The following LRP1B variants were observed in gnomAD, a reference collection of about 807,000 sequenced individuals.
LRP1B encodes LDL receptor related protein 1B.
A neutral mutation model predicts 556.6 loss-of-function variants in LRP1B; 217 were observed. The observed-to-expected ratio is 0.39, with a 90% CI of 0.35 to 0.44. The LOEUF (loss-of-function observed/expected upper bound fraction) is 0.44, where lower values mean the gene tolerates loss of function less well. Among genes scored for constraint, LRP1B ranks in the 20% least tolerant of loss-of-function variants. LRP1B has a pLI of 1.00. For missense variants in LRP1B, 5,053 were observed against 5,620.8 expected, an observed-to-expected ratio of 0.90 and a Z score of 3.23; for synonymous variants, 2,047 against 1,865.8, an observed-to-expected ratio of 1.10 and a Z score of -2.50.
At chr2:140,880,109 T>C (rs572623990) in intron 25 of LRP1B, among the ~76,000 whole-genome samples, 3 of 152,154 alleles carry the variant, frequency 2.0e-5, no homozygotes, top group Non-Finnish European at 2.9e-5. Flanking sequence ...ACCAACGAAA[T>C]TTTTATGGCA....
rs869062999 is a variant in LRP1B, at chr2:141,832,327, T to TCACACA, written c.83-21932_83-21927dup. ...AATAATTATCCTATCTCTTTCTCTC[T>TCACACA]CACACACACACACACACACACACAC... On this transcript the variant is annotated intron_variant, in intron 1 of 90. Coordinates refer to ENST00000389484, the MANE Select transcript of LRP1B (RefSeq NM_018557.3). Among the ~76,000 whole-genome samples the TCACACA allele has an allele frequency of 3.6e-3, 525 of 143,926 alleles. 9 individuals are homozygous for TCACACA. The highest frequency in any genetic ancestry group is 4.9e-3 in the South Asian group (22 of 4,466). 94.4% of individuals were successfully genotyped at this position (143,926 alleles called of 152,430 possible).
intron 1 of LRP1B, among the ~76,000 whole-genome samples, chr2:141,950,131 C>CTT (rs1701067637): frequency 1.3e-5 from 2 of 152,086 alleles, no homozygotes; most frequent in African/African-American, 4.8e-5. Flanking sequence ...TTATAAAAGA[C>CTT]TTTATAATAT....
intron 2 of LRP1B, among the ~76,000 whole-genome samples, chr2:141,487,713 G>A (rs1683173167): frequency 6.6e-6 from 1 of 151,994 alleles, no homozygotes; most frequent in South Asian, 2.1e-4. Flanking sequence ...CCATCATCTA[G>A]ACAGGAAACC....
At chr2:141,132,765 A>T (rs1395097600) in intron 7 of LRP1B, among the ~76,000 whole-genome samples, 1 of 152,016 alleles carries the variant, frequency 6.6e-6, no homozygotes, top group Non-Finnish European at 1.5e-5. Flanking sequence ...TTGGACATGG[A>T]CATGCTGTGT....
At chr2:142,115,517 C>CATATATT (rs1707168205) in intron 1 of LRP1B, among the ~76,000 whole-genome samples, 2 of 63,070 alleles carry the variant, frequency 3.2e-5, no homozygotes, top group East Asian at 4.1e-4. Context: ...TTATATATTA[C>CATATATT]ATATATAATA....
At chr2:141,967,379 T>C (rs1280796671) in intron 1 of LRP1B, among the ~76,000 whole-genome samples, 2 of 151,842 alleles carry the variant, frequency 1.3e-5, no homozygotes, top group African/African-American at 2.4e-5. Flanking sequence ...AATAAAAATA[T>C]CACTGGTAAT....
At chr2:141,154,212 C>T (rs1574132634) in intron 7 of LRP1B, among the ~76,000 whole-genome samples, 1 of 151,864 alleles carries the variant, frequency 6.6e-6, no homozygotes, top group Non-Finnish European at 1.5e-5. Flanking sequence ...CTGTTACTGA[C>T]ACACCCTAGA....
chr2:141,223,258 C>G (rs1163068572), intron 6 of LRP1B, among the ~76,000 whole-genome samples: 1 of 152,012 alleles, frequency 6.6e-6, no homozygotes, highest in Non-Finnish European at 1.5e-5. Context: ...AAGCAGAGAG[C>G]CAAGTCATGA....
At chr2:140,597,335 G>T (rs532764313) in intron 43 of LRP1B, among the ~76,000 whole-genome samples, 1 of 152,114 alleles carries the variant, frequency 6.6e-6, no homozygotes, top group South Asian at 2.1e-4. Flanking sequence ...CCATACATAA[G>T]AATAAATGGG....
At chr2:140,923,181 G>C in intron 20 of LRP1B, 34 bp from the exon 21 acceptor site, 1 of 1,520,588 alleles carries the variant, frequency 6.6e-7, no homozygotes, top group Non-Finnish European at 9.0e-7. Flanking sequence ...GAAGCAGAGG[G>C]GGGCAAGACA....
intron 33 of LRP1B, among the ~76,000 whole-genome samples, chr2:140,775,729 AT>A (rs1689472114): frequency 6.6e-6 from 1 of 152,144 alleles, no homozygotes; most frequent in Non-Finnish European, 1.5e-5. Context: ...TGGATATGGA[AT>A]TCTTTTGTTG....
In LRP1B at chr2:140,777,925, TA is replaced by T. The variant is rs1263086190; in HGVS notation, c.5360-1688del. ...ACCTCAGAAAATGGTAGGAAAAAAG[TA>T]AAAAAAAGATTAGTAGAATATTTGT... On this transcript the variant is annotated intron_variant, in intron 32 of 90. Coordinates refer to ENST00000389484, the MANE Select transcript of LRP1B (RefSeq NM_018557.3). 4.7e-5 allele frequency among the ~76,000 whole-genome samples: 7 copies of T among 149,274 alleles called. No individual in the cohort carries two copies. In the South Asian group the frequency reaches 6.4e-4, roughly 14 times the overall value.
At chr2:141,726,343 C>T (rs1462894140) in intron 2 of LRP1B, among the ~76,000 whole-genome samples, 1 of 151,320 alleles carries the variant, frequency 6.6e-6, no homozygotes, top group Admixed American at 6.6e-5. Flanking sequence ...TTTGATTTTC[C>T]AAATTATAAT....
chr2:140,673,501 TCTTTA>T (rs1364116344), intron 41 of LRP1B, among the ~76,000 whole-genome samples: 1 of 152,172 alleles, frequency 6.6e-6, no homozygotes, highest in Non-Finnish European at 1.5e-5. Flanking sequence ...TCCACCATGC[TCTTTA>T]CTTCTGAGTC....
chr2:140,923,289 T>C (rs1186811006), intron 20 of LRP1B, 142 bp from the exon 21 acceptor site: 2 of 596,198 alleles, frequency 3.4e-6, no homozygotes, highest in Non-Finnish European at 5.8e-6. Flanking sequence ...CATTTTTACT[T>C]TAGATGGTTA....
rs190398816 is a variant in LRP1B at position 140,499,743 on chromosome 2, C to A, written c.8850+1944G>T. ...AAGGTACAGTAAAAATATTTAGAAA[C>A]GTTTAAAAAATATTTAAAAATGTTT... is the stretch of plus-strand genomic sequence containing the variant. On this transcript the variant is annotated intron_variant, in intron 55 of 90. Coordinates refer to ENST00000389484, the MANE Select transcript of LRP1B (RefSeq NM_018557.3). Among the ~76,000 whole-genome samples, 692 of 143,262 alleles carry A rather than the reference C, an allele frequency of 4.8e-3. 6 individuals carry two copies. Among genetic ancestry groups the A allele is most frequent in the African/African-American group, 0.017 (674 of 40,716 alleles). 94.0% of individuals were successfully genotyped at this position (143,262 alleles called of 152,430 possible). A position where few individuals can be genotyped will look rare whatever the true frequency, so the allele number is the denominator to read the frequency against.
At chr2:140,903,830 T>C (rs1317574604) in intron 22 of LRP1B, among the ~76,000 whole-genome samples, 1 of 151,294 alleles carries the variant, frequency 6.6e-6, no homozygotes, top group African/African-American at 2.4e-5. Context: ...AAAAAAGTTG[T>C]CCTGGTATTT....
rs145085977 is a variant in LRP1B, at chr2:140,917,696, A to T, written c.3319+5269T>A. Among the ~76,000 whole-genome samples the T allele has an allele frequency of 9.1e-4, 139 of 152,278 alleles. 2 individuals are homozygous for T. In the East Asian group the frequency reaches 0.026, roughly 29 times the overall value. On this transcript the variant is annotated intron_variant, in intron 21 of 90. Coordinates refer to ENST00000389484, the MANE Select transcript of LRP1B (RefSeq NM_018557.3). ...TTCCAGGAGCTAAGGGGGAGGGAAG[A>T]ATAAACAGGCAGGGTACGAAAGATT...
intron 15 of LRP1B, among the ~76,000 whole-genome samples, chr2:140,999,745 T>A (rs1351680166): frequency 6.6e-6 from 1 of 152,048 alleles, no homozygotes; most frequent in African/African-American, 2.4e-5. Flanking sequence ...CTGAACATGT[T>A]TTGTTGTTTT....
Sources: gnomAD v4.1 joint callset for allele counts (sites outside exome capture counted in the v4.1 genomes callset) on GRCh38, gnomAD v4.1.1 for gene constraint, MANE v1.5 for transcripts, NCBI Gene and HGNC (gene_info 2026-07-23, HGNC 2026-07-21) for gene names.